Variants in TMEM30A observed in about 807,000 individuals in gnomAD.
The protein encoded by TMEM30A is cell cycle control protein 50A.
In TMEM30A, 24 loss-of-function variants were observed where a neutral mutation model predicts 38.2. That is an observed-to-expected ratio of 0.63 (90% confidence interval 0.46 to 0.88). The LOEUF is 0.88. Ranked by LOEUF, TMEM30A falls within the 40% of genes least tolerant of loss-of-function variation. The pLI is 0.00. For synonymous variants in TMEM30A, 145 were observed against 161.6 expected, an observed-to-expected ratio of 0.90 and a Z score of 0.78; for missense variants, 370 against 458.6, an observed-to-expected ratio of 0.81 and a Z score of 1.77.
chr6:75,257,067 C>A (rs769624129), intron 6 of TMEM30A, among the ~76,000 whole-genome samples: 3 of 152,142 alleles, frequency 2.0e-5, no homozygotes, highest in African/African-American at 4.8e-5. Flanking sequence ...CTTCAACTCT[C>A]CATCCCCACA....
rs944678839 is a variant in TMEM30A at position 75,258,835 on chromosome 6, T to C, written c.837A>G (p.Lys279=). The change falls in exon 6 of 7, where the codon AAA becomes AAG. Residue 279 remains lysine, a synonymous_variant. Transcript: ENST00000230461. ...FRKLYRLIER[K]SDLHPTLPAG... ...CTGGTAATGTTGGATGTAAATCACT[T>C]TTCCTTTCTATAAGACGATACAACT... is the stretch of plus-strand genomic sequence containing the variant. The C allele has an allele frequency of 2.5e-6, 4 of 1,613,984 alleles. No individual in the cohort carries two copies. The highest frequency in any genetic ancestry group is 3.4e-6 in the Non-Finnish European group (4 of 1,179,886).
intron 2 of TMEM30A, among the ~76,000 whole-genome samples, chr6:75,266,100 C>T (rs1011531050): frequency 2.6e-5 from 4 of 152,104 alleles, no homozygotes; most frequent in Non-Finnish European, 5.9e-5. Context: ...TTAGAAGATG[C>T]TAAGAAGCCA....
intron 1 of TMEM30A, among the ~76,000 whole-genome samples, chr6:75,283,306 AAT>A (rs1491548323): frequency 3.6e-5 from 2 of 54,922 alleles, no homozygotes; most frequent in Non-Finnish European, 3.8e-5. Flanking sequence ...TATTTATTAA[AAT>A]GTGTGTGTGT....
chr6:75,283,583 T>C, intron 1 of TMEM30A, among the ~76,000 whole-genome samples: 1 of 151,646 alleles, frequency 6.6e-6, no homozygotes, highest in East Asian at 1.9e-4. Flanking sequence ...TTCAGCAAAG[T>C]TAATATCAGT....
intron 3 of TMEM30A, among the ~76,000 whole-genome samples, chr6:75,262,528 A>G (rs1397807006): frequency 6.6e-6 from 1 of 152,000 alleles, no homozygotes; most frequent in Non-Finnish European, 1.5e-5. Flanking sequence ...CTATAATCCC[A>G]GCTACTCAGG....
intron 4 of TMEM30A, 120 bp from the exon 5 acceptor site, chr6:75,259,610 CAT>C: frequency 1.3e-6 from 1 of 768,800 alleles, no homozygotes; most frequent in Non-Finnish European, 1.9e-6. Flanking sequence ...ACAGAGTAGG[CAT>C]ATGATTCACA....
At chr6:75,265,104 A>C in intron 3 of TMEM30A, 127 bp downstream of exon 3, 3 of 575,704 alleles carry the variant, frequency 5.2e-6, no homozygotes, top group Non-Finnish European at 5.5e-6. Flanking sequence ...CTCGGGGGGA[A>C]AAAAATCCTC....
chr6:75,271,849 C>T (rs1772177486), intron 1 of TMEM30A, among the ~76,000 whole-genome samples: 1 of 152,052 alleles, frequency 6.6e-6, no homozygotes, highest in South Asian at 2.1e-4. Flanking sequence ...ACCAAGAAAA[C>T]TACCTTAAAT....
intron 1 of TMEM30A, among the ~76,000 whole-genome samples, chr6:75,268,962 T>C (rs993299383): frequency 6.6e-6 from 1 of 152,182 alleles, no homozygotes; most frequent in African/African-American, 2.4e-5. Context: ...GATCGCTAAA[T>C]TGAAAGGCTT....
In TMEM30A at chr6:75,253,573, G is replaced by A. The variant is rs760920762; in HGVS notation, c.*2529C>T. The A allele has an allele frequency of 6.6e-6, 1 of 152,552 alleles. No individual in the cohort carries two copies. The highest frequency in any genetic ancestry group is 6.6e-5 in the Admixed American group (1 of 15,248). The allele number at this position is 152,552 out of a possible 1,614,324, so 9.4% of individuals were successfully genotyped here. A position where few individuals can be genotyped will look rare whatever the true frequency, so the allele number is the denominator to read the frequency against. ...GTGCTAAATGTAAGCAACAACACTG[G>A]AGCATTGTTATTTTATCAAGACACC... On this transcript the variant is annotated 3_prime_UTR_variant, in exon 7 of 7. Transcript: ENST00000230461.
At chr6:75,282,286 C>G (rs1323096383) in intron 1 of TMEM30A, among the ~76,000 whole-genome samples, 3 of 152,182 alleles carry the variant, frequency 2.0e-5, no homozygotes, top group African/African-American at 7.2e-5. Flanking sequence ...TAAGCTGCAG[C>G]AGATTCTTCA....
chr6:75,257,119 G>T (rs1771880104), intron 6 of TMEM30A, among the ~76,000 whole-genome samples: 1 of 152,170 alleles, frequency 6.6e-6, no homozygotes, highest in Admixed American at 6.5e-5. Flanking sequence ...GGCAGGTTCA[G>T]TTCTGCTAAC....
Position 75,255,806 on chromosome 6 carries a change from T to C in TMEM30A, c.*296A>G, listed in dbSNP as rs904281973. ...TAAAGATTTAAGCAGTAGACACAAG[T>C]CACATGAAAGAGGCTCTATGCATCA... On this transcript the variant is annotated 3_prime_UTR_variant, in exon 7 of 7. Transcript: ENST00000230461. 7 of 243,184 alleles carry C rather than the reference T, an allele frequency of 2.9e-5. No homozygotes were observed. Among genetic ancestry groups the C allele is most frequent in the Non-Finnish European group, 4.0e-5 (5 of 126,288 alleles). 15.1% of individuals were successfully genotyped at this position (243,184 alleles called of 1,614,324 possible). A position where few individuals can be genotyped will look rare whatever the true frequency, so the allele number is the denominator to read the frequency against.
chr6:75,264,837 C>T (rs1181684271), intron 3 of TMEM30A, among the ~76,000 whole-genome samples: 2 of 152,060 alleles, frequency 1.3e-5, no homozygotes, highest in East Asian at 1.9e-4. Context: ...CATGGTGGCT[C>T]ATGCCTGTAA....
intron 1 of TMEM30A, among the ~76,000 whole-genome samples, chr6:75,279,774 T>C (rs1320080300): frequency 1.3e-5 from 2 of 152,130 alleles, no homozygotes; most frequent in Non-Finnish European, 2.9e-5. Flanking sequence ...TTTAATGCAG[T>C]GGGAAAGGAG....
intron 1 of TMEM30A, among the ~76,000 whole-genome samples, chr6:75,274,628 ACACTT>A (rs1772229073): frequency 6.6e-6 from 1 of 152,192 alleles, no homozygotes; most frequent in Admixed American, 6.5e-5. Flanking sequence ...GAGGGCAAAT[ACACTT>A]AGGTTGATTT....
intron 1 of TMEM30A, chr6:75,272,497 G>C (rs376679371): frequency 1.3e-5 from 2 of 152,290 alleles, no homozygotes; most frequent in South Asian, 2.1e-4. Context: ...TTAGCAAATC[G>C]GGTATCAGTT....
chr6:75,274,435 G>C (rs552927712), intron 1 of TMEM30A, among the ~76,000 whole-genome samples: 50 of 152,272 alleles, frequency 3.3e-4, no homozygotes, highest in African/African-American at 1.1e-3. Context: ...CTCTCAAAAA[G>C]AATCACTGTG....
chr6:75,275,602 C>T (rs576112536), intron 1 of TMEM30A, among the ~76,000 whole-genome samples: 3 of 152,166 alleles, frequency 2.0e-5, no homozygotes, highest in Non-Finnish European at 4.4e-5. Flanking sequence ...TTTTCTCTTA[C>T]ACCCCATATA....
Sources: allele counts gnomAD v4.1 joint callset (sites outside exome capture counted in the v4.1 genomes callset), GRCh38; gene constraint gnomAD v4.1.1; transcripts MANE v1.5; gene names NCBI Gene and HGNC (gene_info 2026-07-23, HGNC 2026-07-21).